Variants in RSF1 observed in about 807,000 individuals in gnomAD.
The protein encoded by RSF1 is remodeling and spacing factor 1, also known as HBV pX-associated protein 8.
RSF1 carries 13 observed loss-of-function variants against 145.2 expected under a neutral mutation model. The observed-to-expected ratio is 0.09, with a 90% confidence interval of 0.06 to 0.14. RSF1 has a LOEUF of 0.14. Among genes scored for constraint, RSF1 ranks in the 10% least tolerant of loss-of-function variants. The pLI is 1.00. For missense variants in RSF1, 1,517 were observed against 1,718.2 expected (o/e 0.88, Z 2.07); for synonymous variants, 577 against 592.6 (o/e 0.97, Z 0.38).
At chr11:77,704,141 A>T (rs758297810) in intron 5 of RSF1, among the ~76,000 whole-genome samples, 3 of 152,170 alleles carry the variant, frequency 2.0e-5, no homozygotes, top group Non-Finnish European at 4.4e-5. Context: ...AAAAAATACA[A>T]AAAGTAGCCG....
intron 5 of RSF1, among the ~76,000 whole-genome samples, chr11:77,720,893 C>T (rs1313968563): frequency 1.3e-5 from 2 of 152,168 alleles, no homozygotes; most frequent in African/African-American, 2.4e-5. Flanking sequence ...GAAGGCAATT[C>T]GAATTGTCTT....
chr11:77,837,658 A>G, the RSF1 span, among the ~76,000 whole-genome samples: 1 of 151,416 alleles, frequency 6.6e-6, no homozygotes, highest in African/African-American at 2.4e-5. Context: ...CTGGTCTTGA[A>G]CTCCTGACCT....
rs572751459 is a variant in RSF1 at position 77,789,568 on chromosome 11, G to T, written c.188-24879C>A. Reference sequence around the variant, plus strand: ...GCGAGCACCCCCAGACTGATCAGGAGCTGAGATGTGAGCAGAGCGTGTGTT... The same window carrying T: ...GCGAGCACCCCCAGACTGATCAGGATCTGAGATGTGAGCAGAGCGTGTGTT... On this transcript the variant is annotated intron_variant, in intron 1 of 15. Transcript: ENST00000308488. Among the ~76,000 whole-genome samples the T allele has an allele frequency of 2.0e-5, 3 of 152,306 alleles. No individual in the cohort carries two copies. The East Asian group carries it at 5.8e-4, about 29-fold the overall frequency.
chr11:77,842,403 C>T, the RSF1 span: 3 of 1,345,730 alleles, frequency 2.2e-6, no homozygotes, highest in Non-Finnish European at 3.1e-6. Context: ...AGAATCAGGG[C>T]TTAGTATCAC....
rs978578766 is a variant in RSF1, at chr11:77,662,616, T to C, written c.*4301A>G. 1.8e-4 allele frequency: 28 copies of C among 152,114 alleles called. No homozygotes were observed. Among genetic ancestry groups the C allele is most frequent in the African/African-American group, 5.8e-4 (24 of 41,436 alleles). The allele number at this position is 152,114 out of a possible 1,614,324, so 9.4% of individuals were successfully genotyped here. ...CATATAGCAACTCAGTTTAAATACA[T>C]TGATAGCAAAAGGCTTTGACCTTAA... On this transcript the variant is annotated 3_prime_UTR_variant, in exon 16 of 16. Coordinates refer to ENST00000308488, the MANE Select transcript of RSF1 (RefSeq NM_016578.4).
At chr11:77,863,746 C>T in the RSF1 span, among the ~76,000 whole-genome samples, 134 of 152,114 alleles carry the variant, frequency 8.8e-4, no homozygotes, top group Admixed American at 2.2e-3. Context: ...AACTCCTGGC[C>T]TCAAGCGACC....
rs1366515946 is a variant in RSF1 at position 77,666,162 on chromosome 11, A to G, written c.*755T>C. 6.6e-6 allele frequency: 1 copy of G among 152,204 alleles called. No individual in the cohort carries two copies. Among genetic ancestry groups the G allele is most frequent in the Admixed American group, 6.5e-5 (1 of 15,278 alleles). The allele number at this position is 152,204 out of a possible 1,614,324, so 9.4% of individuals were successfully genotyped here. A position where few individuals can be genotyped will look rare whatever the true frequency, so the allele number is the denominator to read the frequency against. ...ACCTTATTACCACTGCATAAAGCTT[A>G]TTTAAAAAAATTTGTTGCTAGCACA... On this transcript the variant is annotated 3_prime_UTR_variant, in exon 16 of 16. Transcript: ENST00000308488.
chr11:77,756,139 C>T (rs773856660), intron 2 of RSF1, among the ~76,000 whole-genome samples: 9 of 152,036 alleles, frequency 5.9e-5, no homozygotes, highest in Non-Finnish European at 1.0e-4. Flanking sequence ...GGGCAGATCA[C>T]CTGAGGTTGG....
intron 15 of RSF1, among the ~76,000 whole-genome samples, chr11:77,668,713 G>T (rs77573858): frequency 0.12 from 17,704 of 152,132 alleles, 1,410 homozygotes; most frequent in Non-Finnish European, 0.17. Context: ...ATATTCTAGA[G>T]ATTTATTTAA....
At chr11:77,766,652 A>C (rs1056763108) in intron 1 of RSF1, among the ~76,000 whole-genome samples, 3 of 152,190 alleles carry the variant, frequency 2.0e-5, no homozygotes, top group Non-Finnish European at 4.4e-5. Context: ...ATAGCTAAAA[A>C]ACCAAAAAGA....
At chr11:77,781,536 T>A (rs151152428) in intron 1 of RSF1, among the ~76,000 whole-genome samples, 1 of 152,244 alleles carries the variant, frequency 6.6e-6, no homozygotes, top group Non-Finnish European at 1.5e-5. Context: ...TTTAACCTAA[T>A]AAGAAACTCC....
At chr11:77,835,638 G>T in the RSF1 span, among the ~76,000 whole-genome samples, 1 of 152,148 alleles carries the variant, frequency 6.6e-6, no homozygotes, top group Non-Finnish European at 1.5e-5. Flanking sequence ...TAAAGTTGGG[G>T]CCAGGCGTGG....
intron 14 of RSF1, among the ~76,000 whole-genome samples, chr11:77,673,327 A>C (rs1192402628): frequency 6.6e-6 from 1 of 152,268 alleles, no homozygotes; most frequent in Non-Finnish European, 1.5e-5. Context: ...CTGATCAATA[A>C]GCCAGAGTGA....
chr11:77,813,486 G>A, intron 1 of RSF1: 1 of 963,324 alleles, frequency 1.0e-6, no homozygotes, highest in East Asian at 2.4e-5. Context: ...TTTTTCTGTA[G>A]TGATTCTCAA....
chr11:77,796,102 CTTTT>C (rs986533212), intron 1 of RSF1, among the ~76,000 whole-genome samples: 13 of 151,732 alleles, frequency 8.6e-5, no homozygotes, highest in African/African-American at 3.1e-4. Flanking sequence ...TCTCTCTTTT[CTTTT>C]TTATTAGTAT....
At chr11:77,746,051 G>A (rs1947996244) in intron 3 of RSF1, among the ~76,000 whole-genome samples, 1 of 151,786 alleles carries the variant, frequency 6.6e-6, no homozygotes. Context: ...CTAACCTAGA[G>A]GTCAGTATGT....
At chr11:77,757,129 T>C (rs527978680) in intron 2 of RSF1, among the ~76,000 whole-genome samples, 4 of 152,274 alleles carry the variant, frequency 2.6e-5, no homozygotes, top group African/African-American at 9.6e-5. Flanking sequence ...GTAAAGCTCA[T>C]TTGAGAAAGA....
At chr11:77,853,137 C>T in the RSF1 span, among the ~76,000 whole-genome samples, 3 of 151,908 alleles carry the variant, frequency 2.0e-5, no homozygotes, top group African/African-American at 2.4e-5. Flanking sequence ...GGGGTTGTAC[C>T]GTATTTTAGT....
chr11:77,734,601 C>G, intron 4 of RSF1: 2 of 1,530,958 alleles, frequency 1.3e-6, no homozygotes, highest in Non-Finnish European at 1.8e-6. Flanking sequence ...TGGCTTTCAC[C>G]TGCTCATTCA....
Sources: gnomAD v4.1 joint callset for allele counts (sites outside exome capture counted in the v4.1 genomes callset) on GRCh38, gnomAD v4.1.1 for gene constraint, MANE v1.5 for transcripts, NCBI Gene and HGNC (gene_info 2026-07-23, HGNC 2026-07-21) for gene names.